ABCC2: variants seen among roughly 807,000 people sequenced by gnomAD.
The protein encoded by ABCC2 is ATP binding cassette subfamily C member 2.
A neutral mutation model predicts 173.4 loss-of-function variants in ABCC2; 157 were observed. The observed-to-expected ratio is 0.91, with a 90% CI of 0.80 to 1.03. The LOEUF (loss-of-function observed/expected upper bound fraction) is 1.03. ABCC2 is among the 50% of genes least tolerant of loss of function. The pLI is 0.00. For synonymous variants in ABCC2, 657 were observed against 693.5 expected, an observed-to-expected ratio of 0.95 and a Z score of 0.83; for missense variants, 1,822 against 1,852.3, an observed-to-expected ratio of 0.98 and a Z score of 0.30.
At chr10:99,789,183 G>A (rs571787981) in intron 2 of ABCC2, 5 of 152,256 alleles carry the variant, frequency 3.3e-5, no homozygotes, top group Admixed American at 6.5e-5. Context: ...GCAGAAATGT[G>A]TAGTTTTACT....
rs2038000149 is a variant in ABCC2, at chr10:99,800,569, C to A, written c.1209+6C>A. On this transcript the variant is annotated splice_donor_region_variant and intron_variant, in intron 9 of 31. Transcript: ENST00000647814. ...TGGCTTCTGTATATAAGAAGGTAAGCAGAATACGGCAGGTATCACCAAAGA... is the reference window on the plus strand; with the variant it reads ...TGGCTTCTGTATATAAGAAGGTAAGAAGAATACGGCAGGTATCACCAAAGA... The A allele has an allele frequency of 6.2e-7, 1 of 1,613,998 alleles. No homozygotes were observed. Among genetic ancestry groups the A allele is most frequent in the East Asian group, 2.2e-5 (1 of 44,884 alleles).
At chr10:99,792,756 T>C (rs1285837658) in intron 3 of ABCC2, among the ~76,000 whole-genome samples, 1 of 152,196 alleles carries the variant, frequency 6.6e-6, no homozygotes, top group East Asian at 1.9e-4. Flanking sequence ...AAACTTGATA[T>C]CAAAAAACTA....
rs1416734493 is a variant in ABCC2, at chr10:99,794,007, T to G, written c.576+8T>G. On this transcript the variant is annotated splice_region_variant and intron_variant, in intron 5 of 31. Transcript: ENST00000647814. The stretch of plus-strand genomic sequence containing the variant: ...AATAATGAGTCATCAAATGTGAGAT[T>G]CTAAATATGCCCATCTCATATATTA... 5.7e-6 allele frequency: 9 copies of G among 1,575,080 alleles called. No individual in the cohort carries two copies. The highest frequency in any genetic ancestry group is 7.9e-6 in the Non-Finnish European group (9 of 1,145,408).
chr10:99,806,184 A>G (rs994708742), intron 11 of ABCC2, among the ~76,000 whole-genome samples: 2 of 151,952 alleles, frequency 1.3e-5, no homozygotes, highest in African/African-American at 2.4e-5. Context: ...AGTTAGATCT[A>G]AAGGTTTGAT....
At chr10:99,850,561 G>T (rs2039073627) in intron 30 of ABCC2, 41 bp from the exon 31 acceptor site, 1 of 1,606,446 alleles carries the variant, frequency 6.2e-7, no homozygotes, top group African/African-American at 1.3e-5. Flanking sequence ...TCTTTCCTTG[G>T]TCTTTAGGAG....
intron 24 of ABCC2, among the ~76,000 whole-genome samples, chr10:99,835,152 G>A (rs1001511417): frequency 1.3e-5 from 2 of 152,152 alleles, no homozygotes; most frequent in Non-Finnish European, 2.9e-5. Context: ...GGAGGCTGTG[G>A]AGGAACTCTG....
In ABCC2 at chr10:99,836,299, TC is replaced by T. The variant is rs2038823559; in HGVS notation, c.3614+13del. ...TGGATCACCTCCAACAGGTGAGGCT[TC>T]CCCTGGGTATTTACCCATGTGTGTA... On this transcript the variant is annotated intron_variant, in intron 25 of 31. Transcript: ENST00000647814. The T allele has an allele frequency of 1.9e-6, 3 of 1,613,772 alleles. No homozygotes were observed. Among genetic ancestry groups the T allele is most frequent in the Non-Finnish European group, 8.5e-7 (1 of 1,179,768 alleles).
In ABCC2 at chr10:99,836,430, G is replaced by A. The variant is rs532202396; in HGVS notation, c.3614+140G>A. 6.9e-5 allele frequency: 65 copies of A among 941,842 alleles called. 1 individual carries two copies. The South Asian group carries it at 8.2e-4, about 12-fold the overall frequency. 58.3% of individuals were successfully genotyped at this position (941,842 alleles called of 1,614,324 possible). On this transcript the variant is annotated intron_variant, in intron 25 of 31. Transcript: ENST00000647814. ...CACTGTCATGCTATGTAAGTGGAGA[G>A]AAGAAAGCATGAGCTTTGGAGTCAG...
At position 99,800,546 on chromosome 10, in the gene ABCC2, G is replaced by T. The variant is rs770182474; in HGVS notation, c.1192G>T (p.Ala398Ser). ...TGTAAAAGTACGGACAGCTATCATG[G>T]CTTCTGTATATAAGAAGGTAAGCAG... ...LGVKVRTAIM[A>S]SVYKKALTLS... The change falls in exon 9 of 32, where the codon GCT (alanine) becomes TCT (serine). Residue 398 changes from alanine to serine, a missense_variant. Ala to Ser is a moderately conservative substitution (Grantham distance 99). Transcript: ENST00000647814. 6.2e-7 allele frequency: 1 copy of T among 1,614,134 alleles called. No individual in the cohort carries two copies. Among genetic ancestry groups the T allele is most frequent in the Admixed American group, 1.7e-5 (1 of 60,010 alleles).
At chr10:99,808,549 T>C (rs1218718320) in intron 13 of ABCC2, among the ~76,000 whole-genome samples, 1 of 152,120 alleles carries the variant, frequency 6.6e-6, no homozygotes, top group Admixed American at 6.5e-5. Context: ...CTCTCATATT[T>C]CTCCAAGGCT....
intron 9 of ABCC2, among the ~76,000 whole-genome samples, chr10:99,802,330 T>G (rs1001239099): frequency 6.6e-6 from 1 of 152,142 alleles, no homozygotes; most frequent in Non-Finnish European, 1.5e-5. Flanking sequence ...CCCTGTGAAA[T>G]AAGTACATTA....
chr10:99,830,220 A>G, intron 19 of ABCC2, 87 bp from the exon 20 acceptor site: 1 of 1,566,290 alleles, frequency 6.4e-7, no homozygotes. Flanking sequence ...GAAACCAGCA[A>G]GATCAGAGGA....
chr10:99,795,696 T>G, intron 6 of ABCC2, among the ~76,000 whole-genome samples: 1 of 109,002 alleles, frequency 9.2e-6, no homozygotes, highest in Non-Finnish European at 1.9e-5. Flanking sequence ...CAAAATTCCA[T>G]CAAAAGAAAG....
chr10:99,852,366 T>A lies in ABCC2; in HGVS notation c.*735T>A, dbSNP rs2039097251. Among the ~76,000 whole-genome samples the A allele has an allele frequency of 6.6e-6, 1 of 152,226 alleles. No individual in the cohort carries two copies. The highest frequency in any genetic ancestry group is 2.4e-5 in the African/African-American group (1 of 41,450). ...TATGAATTGATGTATCAATGAGAAT[T>A]TCATTTGCATTTCCCTAGTATCTAT... On this transcript the variant is annotated 3_prime_UTR_variant, in exon 32 of 32. Transcript: ENST00000647814.
chr10:99,830,487 C>CT (rs1290920317), intron 20 of ABCC2, 54 bp downstream of exon 20: 12 of 1,612,624 alleles, frequency 7.4e-6, no homozygotes, highest in Non-Finnish European at 1.0e-5. Flanking sequence ...TCCACTTGAT[C>CT]TTTTTCTTTT....
In ABCC2 at chr10:99,806,469, CAT is replaced by C. The variant is rs570213660; in HGVS notation, c.1531-914_1531-913del. ...TTGGACTCTGGGAGTGAGGCCCAGACATGTGTATTTTTTTAAGTTCCCTAGAT... is the reference window on the plus strand; with the variant it reads ...TTGGACTCTGGGAGTGAGGCCCAGACGTGTATTTTTTTAAGTTCCCTAGAT... On this transcript the variant is annotated intron_variant, in intron 11 of 31. Transcript: ENST00000647814. Among the ~76,000 whole-genome samples the C allele has an allele frequency of 1.9e-3, 283 of 152,258 alleles. 1 individual carries two copies. Among genetic ancestry groups the C allele is most frequent in the Non-Finnish European group, 1.7e-3 (113 of 68,024 alleles).
At chr10:99,811,374 T>C (rs1053606775) in intron 14 of ABCC2, among the ~76,000 whole-genome samples, 162 bp from the exon 15 acceptor site, 3 of 151,470 alleles carry the variant, frequency 2.0e-5, no homozygotes, top group Non-Finnish European at 2.9e-5. Flanking sequence ...TCTGGTCTCA[T>C]GGTCTCATTC....
chr10:99,831,799 T>C lies in ABCC2; in HGVS notation c.3072T>C (p.Val1024=). 6.2e-7 allele frequency: 1 copy of C among 1,614,206 alleles called. No individual in the cohort carries two copies. Among genetic ancestry groups the C allele is most frequent in the Non-Finnish European group, 8.5e-7 (1 of 1,180,032 alleles). ...DYPASQRDMR[V]GVYGALGLAQ... is the part of the protein sequence containing the mutation. ...CAGCATCTCAGAGGGACATGAGAGTTGGAGTCTACGGAGCTCTGGGATTAG... is the reference window on the plus strand; with the variant it reads ...CAGCATCTCAGAGGGACATGAGAGTCGGAGTCTACGGAGCTCTGGGATTAG... The change falls in exon 22 of 32, where the codon GTT becomes GTC. Residue 1024 remains valine, a synonymous_variant. Transcript: ENST00000647814.
chr10:99,850,989 G>C (rs567311454), intron 31 of ABCC2, among the ~76,000 whole-genome samples, 193 bp downstream of exon 31: 1 of 152,180 alleles, frequency 6.6e-6, no homozygotes, highest in African/African-American at 2.4e-5. Context: ...CAAGGTTAAG[G>C]GAACTATTCA....
Sources: allele counts gnomAD v4.1 joint callset (sites outside exome capture counted in the v4.1 genomes callset), GRCh38; gene constraint gnomAD v4.1.1; transcripts MANE v1.5; gene names NCBI Gene and HGNC (gene_info 2026-07-23, HGNC 2026-07-21).